DSE: variants seen among roughly 807,000 people sequenced by gnomAD.
The protein encoded by DSE is dermatan sulfate epimerase.
In DSE, 36 loss-of-function variants were observed where a neutral mutation model predicts 84.4. The observed-to-expected ratio is 0.43, with a 90% CI of 0.33 to 0.56. The LOEUF (loss-of-function observed/expected upper bound fraction) is 0.56. Among genes scored for constraint, DSE ranks in the 20% least tolerant of loss-of-function variants. The pLI is 0.06. For synonymous variants in DSE, 410 were observed against 430.1 expected, an observed-to-expected ratio of 0.95 and a Z score of 0.58; for missense variants, 862 against 1,169.6, an observed-to-expected ratio of 0.74 and a Z score of 3.84.
intron 2 of DSE, among the ~76,000 whole-genome samples, chr6:116,356,283 C>A (rs577404241): frequency 7.9e-5 from 12 of 152,314 alleles, no homozygotes; most frequent in African/African-American, 2.9e-4. Context: ...CTGCTCCCAT[C>A]CTGTGAACTT....
At chr6:116,382,260 G>T (rs915517624) in intron 1 of DSE, among the ~76,000 whole-genome samples, 28 of 152,236 alleles carry the variant, frequency 1.8e-4, no homozygotes, top group African/African-American at 6.7e-4. Flanking sequence ...ACCTTTAACA[G>T]ACTGTAAGTC....
At chr6:116,259,034 C>T in intron 2 of DSE, 1 of 1,509,344 alleles carries the variant, frequency 6.6e-7, no homozygotes, top group South Asian at 1.1e-5. Context: ...CTGATGTGCA[C>T]ATCATCAGTG....
chr6:116,329,755 A>G (rs1776826350), intron 2 of DSE, among the ~76,000 whole-genome samples: 1 of 152,276 alleles, frequency 6.6e-6, no homozygotes, highest in African/African-American at 2.4e-5. Flanking sequence ...TGCAAAAATT[A>G]ATGCTCAAAG....
intron 2 of DSE, among the ~76,000 whole-genome samples, chr6:116,283,526 T>TTTG (rs148204266): frequency 0.042 from 6,332 of 149,312 alleles, 209 homozygotes; most frequent in African/African-American, 0.099. Context: ...GGGTAGATTC[T>TTTG]TTGTTGTTGT....
At position 116,373,235 on chromosome 6, in the gene DSE, C is replaced by T. The variant is rs142388475; in HGVS notation, c.-54+2114C>T. 4.0e-3 allele frequency among the ~76,000 whole-genome samples: 614 copies of T among 152,168 alleles called. 6 individuals carry two copies. Among genetic ancestry groups the T allele is most frequent in the African/African-American group, 0.014 (595 of 41,514 alleles). ...TAAATTAGCTGGGCGTGGTGTCGCG[C>T]GCCTGTAGTCCCAGCTACTTGGGAG... On this transcript the variant is annotated intron_variant, in intron 1 of 5. Transcript: ENST00000644252.
rs972786890 is a variant in DSE, at chr6:116,441,370, T to C, written c.*4025T>C. On this transcript the variant is annotated 3_prime_UTR_variant, in exon 6 of 6. Transcript: ENST00000644252. The stretch of plus-strand genomic sequence containing the variant: ...AACATACATGATTGAAAAAGTATAG[T>C]ACTAGAAGCCTTATTTAAAAAACAA... The C allele has an allele frequency of 3.3e-5, 5 of 152,208 alleles. No individual in the cohort carries two copies. Among genetic ancestry groups the C allele is most frequent in the Non-Finnish European group, 7.3e-5 (5 of 68,034 alleles). The allele number at this position is 152,208 out of a possible 1,614,324, so 9.4% of individuals were successfully genotyped here. A position where few individuals can be genotyped will look rare whatever the true frequency, so the allele number is the denominator to read the frequency against.
At chr6:116,264,270 C>G (rs949780278) in intron 2 of DSE, among the ~76,000 whole-genome samples, 1 of 152,126 alleles carries the variant, frequency 6.6e-6, no homozygotes, top group Non-Finnish European at 1.5e-5. Flanking sequence ...TCCCATATTT[C>G]TCAGAGGTTT....
intron 2 of DSE, among the ~76,000 whole-genome samples, chr6:116,296,960 A>G (rs1386133420): frequency 1.3e-5 from 2 of 152,110 alleles, no homozygotes; most frequent in Non-Finnish European, 2.9e-5. Flanking sequence ...AGGGAGGAAG[A>G]GTTGAGGCAG....
At chr6:116,351,650 A>G (rs908543905) in intron 2 of DSE, among the ~76,000 whole-genome samples, 1 of 152,228 alleles carries the variant, frequency 6.6e-6, no homozygotes, top group Non-Finnish European at 1.5e-5. Context: ...AAAAAAAAGA[A>G]TAAGGGATAT....
At chr6:116,344,740 C>T (rs539958841) in intron 2 of DSE, among the ~76,000 whole-genome samples, 1 of 152,198 alleles carries the variant, frequency 6.6e-6, no homozygotes, top group Admixed American at 6.5e-5. Context: ...AACCAGCTAA[C>T]ATCATAATGA....
intron 3 of DSE, 83 bp from the exon 4 acceptor site, chr6:116,430,871 C>A: frequency 6.4e-7 from 1 of 1,555,378 alleles, no homozygotes. Context: ...AGTTAGATAA[C>A]TCAGAGGGTT....
intron 2 of DSE, among the ~76,000 whole-genome samples, chr6:116,353,362 T>G (rs1257894605): frequency 1.3e-5 from 2 of 152,206 alleles, no homozygotes; most frequent in Non-Finnish European, 2.9e-5. Flanking sequence ...AATTAAGGGA[T>G]ATTTTCCTTT....
At chr6:116,373,351 A>G (rs1779726528) in intron 1 of DSE, among the ~76,000 whole-genome samples, 1 of 151,996 alleles carries the variant, frequency 6.6e-6, no homozygotes, top group African/African-American at 2.4e-5. Context: ...CGACAGAAGA[A>G]GACTCCATCT....
chr6:116,433,236 A>G (rs1440725763), intron 4 of DSE, 107 bp from the exon 5 acceptor site: 3 of 1,078,910 alleles, frequency 2.8e-6, no homozygotes, highest in East Asian at 5.2e-5. Flanking sequence ...TATCCCTTCC[A>G]TTACACAATT....
upstream of DSE, chr6:116,370,183 G>A (rs1400867300): frequency 3.2e-6 from 1 of 314,170 alleles, no homozygotes; most frequent in Non-Finnish European, 6.4e-6. Flanking sequence ...GGGTGCATGA[G>A]GGATCTCTCT....
rs748169658 is a variant in DSE, at chr6:116,399,187, A to G, written c.-53-11A>G. On this transcript the variant is annotated splice_polypyrimidine_tract_variant and intron_variant, in intron 1 of 5. Coordinates refer to ENST00000644252, the MANE Select transcript of DSE (RefSeq NM_013352.4). ...CTGACAGACACTTTTTTTCCTTTTT[A>G]TCTCACGTAGGATCTTTCGAAGATG... 4.4e-5 allele frequency: 70 copies of G among 1,596,904 alleles called. No individual in the cohort carries two copies. Among genetic ancestry groups the G allele is most frequent in the Non-Finnish European group, 5.8e-5 (68 of 1,174,994 alleles).
Position 116,436,595 on chromosome 6 carries a change from T to C in DSE, c.2127T>C (p.Phe709=). 1 of 1,614,174 alleles carries C rather than the reference T, an allele frequency of 6.2e-7. No individual in the cohort carries two copies. Among genetic ancestry groups the C allele is most frequent in the Non-Finnish European group, 8.5e-7 (1 of 1,180,022 alleles). ...GTGAGGCCACAGGACAGTCTGCCTT[T>C]GCACAGGTCATTGCTGATCGTCACA... is the stretch of plus-strand genomic sequence containing the variant. The part of the protein sequence containing the change: ...WTGEATGQSA[F]AQVIADRHKI... The change falls in exon 6 of 6, where the codon TTT becomes TTC. Residue 709 remains phenylalanine (F), a synonymous_variant. Coordinates refer to ENST00000644252, the MANE Select transcript of DSE (RefSeq NM_013352.4).
At chr6:116,291,051 C>T (rs1774251990) in intron 2 of DSE, among the ~76,000 whole-genome samples, 1 of 152,122 alleles carries the variant, frequency 6.6e-6, no homozygotes, top group Non-Finnish European at 1.5e-5. Context: ...TCTCTAAATT[C>T]AAAACATTTG....
chr6:116,310,080 T>C (rs1305426625), intron 2 of DSE, among the ~76,000 whole-genome samples: 1 of 152,204 alleles, frequency 6.6e-6, no homozygotes, highest in Admixed American at 6.5e-5. Context: ...ACATATATAA[T>C]CTTATTTAAT....
Sources: gnomAD v4.1 joint callset for allele counts (sites outside exome capture counted in the v4.1 genomes callset) on GRCh38, gnomAD v4.1.1 for gene constraint, MANE v1.5 for transcripts, NCBI Gene and HGNC (gene_info 2026-07-23, HGNC 2026-07-21) for gene names.